TBL1Y: variants seen among roughly 807,000 people sequenced by gnomAD.
TBL1Y encodes transducin beta like 1 Y-linked.
Under a neutral mutation model 12.0 loss-of-function variants are expected in TBL1Y, and 15 were observed. The observed-to-expected ratio is 1.25, with a 90% confidence interval of 0.83 to 1.92. The LOEUF (loss-of-function observed/expected upper bound fraction) is 1.92. Among genes scored for constraint, TBL1Y ranks in the 40% most tolerant of loss-of-function variants. The pLI is 0.00. For synonymous variants in TBL1Y, 53 were observed against 42.6 expected (o/e 1.24, Z -0.95); for missense variants, 148 against 116.7 (o/e 1.27, Z -1.24).
intron 7 of TBL1Y, among the ~76,000 whole-genome samples, chrY:7,062,541 C>G: frequency 3.0e-5 from 1 of 33,351 alleles, no homozygotes; most frequent in Non-Finnish European, 7.4e-5. Context: ...ATCTTTGTTA[C>G]CATCTTTATC....
At chrY:6,938,183 C>T in intron 2 of TBL1Y, among the ~76,000 whole-genome samples, 2 of 33,828 alleles carry the variant, frequency 5.9e-5, no homozygotes, top group Non-Finnish European at 1.5e-4. Context: ...TTATGGGACA[C>T]GACTTTCTGT....
At chrY:7,056,662 G>A (rs773341337) in intron 7 of TBL1Y, among the ~76,000 whole-genome samples, 1 of 33,178 alleles carries the variant, frequency 3.0e-5, no homozygotes, top group Admixed American at 2.8e-4. Context: ...GCCCCAACTG[G>A]GTTTGACATT....
intron 4 of TBL1Y, among the ~76,000 whole-genome samples, chrY:6,999,477 C>T (rs2012431510): frequency 3.1e-5 from 1 of 32,274 alleles, no homozygotes. Flanking sequence ...GGCTCTGAGA[C>T]CTGAGGCTTA....
chrY:6,988,702 C>CA (rs2012341187), intron 3 of TBL1Y, among the ~76,000 whole-genome samples: 2 of 28,604 alleles, frequency 7.0e-5, no homozygotes, highest in Non-Finnish European at 1.6e-4. Flanking sequence ...AAATAAATAC[C>CA]AAAAAAAAGA....
intron 4 of TBL1Y, among the ~76,000 whole-genome samples, chrY:7,011,416 T>C: frequency 8.7e-5 from 3 of 34,544 alleles, no homozygotes; most frequent in Admixed American, 2.6e-4. Flanking sequence ...ATTACAGACG[T>C]CATTTTTAAA....
chrY:7,027,745 A>C, intron 6 of TBL1Y, among the ~76,000 whole-genome samples: 1 of 32,852 alleles, frequency 3.0e-5, no homozygotes, highest in Non-Finnish European at 7.5e-5. Context: ...ACAGAACGAC[A>C]CTTCATCTCA....
At chrY:7,037,550 T>C in intron 6 of TBL1Y, among the ~76,000 whole-genome samples, 1 of 33,686 alleles carries the variant, frequency 3.0e-5, no homozygotes, top group Admixed American at 2.7e-4. Flanking sequence ...GTCAACTGTA[T>C]ATAAAAGCAG....
At chrY:7,052,080 G>A in intron 7 of TBL1Y, among the ~76,000 whole-genome samples, 1 of 33,623 alleles carries the variant, frequency 3.0e-5, no homozygotes, top group Non-Finnish European at 7.3e-5. Context: ...CAGGTCACAG[G>A]TAGCAAAGAC....
chrY:6,989,221 A>G (rs2012345980), intron 3 of TBL1Y, among the ~76,000 whole-genome samples: 24 of 32,749 alleles, frequency 7.3e-4, no homozygotes, highest in Admixed American at 2.8e-3. Flanking sequence ...AAAAAAAATC[A>G]AAAATGTGAC....
chrY:7,013,025 C>T (rs921825737), intron 4 of TBL1Y, among the ~76,000 whole-genome samples: 3 of 34,361 alleles, frequency 8.7e-5, no homozygotes, highest in Admixed American at 7.8e-4. Context: ...TCATGGAGAA[C>T]GTTTGCTAGG....
At chrY:7,022,311 A>G in intron 5 of TBL1Y, among the ~76,000 whole-genome samples, 1 of 30,949 alleles carries the variant, frequency 3.2e-5, no homozygotes, top group African/African-American at 1.3e-4. Flanking sequence ...TGGAATTTTG[A>G]GGGAGATTTT....
At chrY:7,064,182 C>A in intron 8 of TBL1Y, 33 bp downstream of exon 8, 1 of 395,484 alleles carries the variant, frequency 2.5e-6, no homozygotes, top group Non-Finnish European at 3.6e-6. Context: ...TTTGGTGGGC[C>A]TCTCTGGGTT....
At position 7,054,033 on chromosome Y, in the gene TBL1Y, C is replaced by T; in HGVS notation, c.205-9864C>T. On this transcript the variant is annotated intron_variant, in intron 7 of 18. Transcript: ENST00000383032. ...GGGAAAAGAGAGGGAGAAAGATTCT[C>T]TTGTACGGAGCAGAAAGGAGAAGGA... 8.8e-5 allele frequency among the ~76,000 whole-genome samples: 3 copies of T among 33,991 alleles called. No homozygotes were observed. The South Asian group carries it at 2.0e-3, about 23-fold the overall frequency. The allele number at this position is 33,991 out of a possible 37,273, so 91.2% of individuals were successfully genotyped here.
intron 6 of TBL1Y, among the ~76,000 whole-genome samples, chrY:7,037,491 T>G: frequency 3.0e-5 from 1 of 33,848 alleles, no homozygotes; most frequent in African/African-American, 1.2e-4. Flanking sequence ...TTTTTGTTTT[T>G]ATGTATGGTG....
At chrY:7,028,369 G>A in intron 6 of TBL1Y, among the ~76,000 whole-genome samples, 1 of 34,259 alleles carries the variant, frequency 2.9e-5, no homozygotes, top group African/African-American at 1.1e-4. Flanking sequence ...TGTTGAAGAA[G>A]GACCCAAGAC....
chrY:7,064,620 G>C, intron 8 of TBL1Y, among the ~76,000 whole-genome samples: 1 of 33,628 alleles, frequency 3.0e-5, no homozygotes, highest in Non-Finnish European at 7.3e-5. Context: ...TTAGGTAATT[G>C]CCAGCAAGTA....
intron 8 of TBL1Y, among the ~76,000 whole-genome samples, chrY:7,067,022 GC>G (rs2012990965): frequency 3.0e-5 from 1 of 33,584 alleles, no homozygotes; most frequent in Admixed American, 2.7e-4. Context: ...GAGAAAAGTA[GC>G]CACTTTCCAG....
intron 2 of TBL1Y, among the ~76,000 whole-genome samples, chrY:6,958,334 G>C: frequency 3.0e-5 from 1 of 33,309 alleles, no homozygotes; most frequent in Non-Finnish European, 7.4e-5. Flanking sequence ...GAATCAAGTA[G>C]AAGAACTGAA....
chrY:7,045,320 G>A (rs764770711), intron 7 of TBL1Y, among the ~76,000 whole-genome samples: 35 of 33,829 alleles, frequency 1.0e-3, no homozygotes, highest in African/African-American at 3.7e-3. Context: ...ATACTCTCTA[G>A]AGGATACATT....
Sources: allele counts gnomAD v4.1 joint callset (sites outside exome capture counted in the v4.1 genomes callset), GRCh38; gene constraint gnomAD v4.1.1; transcripts MANE v1.5; gene names NCBI Gene and HGNC (gene_info 2026-07-23, HGNC 2026-07-21).